Variants in ACSS3 observed in about 807,000 individuals in gnomAD.
ACSS3 encodes acyl-CoA synthetase short-chain family member 3, mitochondrial.
In ACSS3, 64 loss-of-function variants were observed where a neutral mutation model predicts 84.2. That is an observed-to-expected ratio of 0.76 (90% CI 0.62 to 0.94). The LOEUF (loss-of-function observed/expected upper bound fraction) is 0.94. Ranked by LOEUF, ACSS3 falls within the 40% of genes least tolerant of loss-of-function variation. ACSS3 has a pLI of 0.00. For missense variants in ACSS3, 815 were observed against 867.6 expected, an observed-to-expected ratio of 0.94 and a Z score of 0.76; for synonymous variants, 317 against 310.1, an observed-to-expected ratio of 1.02 and a Z score of -0.23.
intron 9 of ACSS3, among the ~76,000 whole-genome samples, chr12:81,200,864 A>G (rs1224968320): frequency 4.0e-5 from 6 of 149,708 alleles, no homozygotes; most frequent in African/African-American, 7.4e-5. Flanking sequence ...ATTGCACTCC[A>G]GCCTGGGCAA....
At chr12:81,231,640 A>C (rs572151293) in intron 12 of ACSS3, among the ~76,000 whole-genome samples, 13 of 151,770 alleles carry the variant, frequency 8.6e-5, no homozygotes, top group African/African-American at 3.1e-4. Flanking sequence ...CTTTATTTTT[A>C]AATCTCATTT....
intron 8 of ACSS3, among the ~76,000 whole-genome samples, chr12:81,181,168 A>C (rs545733084): frequency 6.6e-6 from 1 of 152,184 alleles, no homozygotes; most frequent in African/African-American, 2.4e-5. Flanking sequence ...AGTGTTAGAA[A>C]GACAAGAACA....
At chr12:81,126,862 A>G (rs1365828376) in intron 2 of ACSS3, among the ~76,000 whole-genome samples, 1 of 152,068 alleles carries the variant, frequency 6.6e-6, no homozygotes, top group Non-Finnish European at 1.5e-5. Context: ...GAGTAATGGT[A>G]TTTACTCTTT....
At chr12:81,241,939 A>G (rs2033820601) in intron 13 of ACSS3, among the ~76,000 whole-genome samples, 1 of 152,136 alleles carries the variant, frequency 6.6e-6, no homozygotes, top group African/African-American at 2.4e-5. Context: ...GGTAATGCCT[A>G]GGTTTTCTTC....
At chr12:81,253,751 G>T (rs2034222390) in intron 15 of ACSS3, 81 bp downstream of exon 15, 2 of 1,437,264 alleles carry the variant, frequency 1.4e-6, no homozygotes, top group African/African-American at 2.9e-5. Flanking sequence ...TCTTAAAAAT[G>T]GTTCTCAAAT....
intron 1 of ACSS3, among the ~76,000 whole-genome samples, chr12:81,102,132 A>G (rs889730923): frequency 1.3e-5 from 2 of 151,896 alleles, no homozygotes; most frequent in African/African-American, 4.8e-5. Flanking sequence ...CACTCATCTG[A>G]GTGTCAAGAT....
At chr12:81,160,710 A>T (rs1452709377) in intron 7 of ACSS3, among the ~76,000 whole-genome samples, 1 of 152,078 alleles carries the variant, frequency 6.6e-6, no homozygotes, top group Non-Finnish European at 1.5e-5. Flanking sequence ...ATTTATTCCA[A>T]TTTCTTTTCA....
intron 2 of ACSS3, among the ~76,000 whole-genome samples, chr12:81,123,952 G>A (rs1245172589): frequency 6.6e-6 from 1 of 152,008 alleles, no homozygotes; most frequent in East Asian, 1.9e-4. Context: ...GTATATTTTT[G>A]GTAGAAAGAT....
Position 81,244,964 on chromosome 12 carries a change from G to A in ACSS3, c.1720-8343G>A, listed in dbSNP as rs564859709. Among the ~76,000 whole-genome samples, 14 of 151,842 alleles carry A rather than the reference G, an allele frequency of 9.2e-5. No individual in the cohort carries two copies. The South Asian group carries it at 2.5e-3, about 27-fold the overall frequency. On this transcript the variant is annotated intron_variant, in intron 13 of 15. Coordinates refer to ENST00000548058, the MANE Select transcript of ACSS3 (RefSeq NM_024560.4). ...GGTTTGTTATTTATTTTACCTTTTA[G>A]TATGCCTTGTAATTGCCTGTTGAAA...
intron 8 of ACSS3, among the ~76,000 whole-genome samples, chr12:81,194,987 T>A (rs2031757258): frequency 6.6e-6 from 1 of 152,040 alleles, no homozygotes; most frequent in African/African-American, 2.4e-5. Flanking sequence ...TAATAGTGAG[T>A]GTTTTTGAAG....
At chr12:81,193,685 T>A (rs1403488878) in intron 8 of ACSS3, among the ~76,000 whole-genome samples, 1 of 152,148 alleles carries the variant, frequency 6.6e-6, no homozygotes, top group South Asian at 2.1e-4. Flanking sequence ...TCAATAATAA[T>A]CTATGACAGC....
chr12:81,102,574 C>G (rs909441869), intron 1 of ACSS3, among the ~76,000 whole-genome samples: 9 of 151,932 alleles, frequency 5.9e-5, no homozygotes, highest in African/African-American at 1.5e-4. Flanking sequence ...TGTAATACCA[C>G]CATTTTGGGA....
chr12:81,099,589 G>T (rs1053832870), intron 1 of ACSS3, among the ~76,000 whole-genome samples: 4 of 152,098 alleles, frequency 2.6e-5, no homozygotes, highest in South Asian at 2.1e-4. Flanking sequence ...AATGGGAGAG[G>T]ATGGTGGAAT....
intron 1 of ACSS3, among the ~76,000 whole-genome samples, chr12:81,099,141 C>CT: frequency 6.6e-6 from 1 of 151,962 alleles, no homozygotes; most frequent in East Asian, 1.9e-4. Context: ...ATATATTCAC[C>CT]TTTTTTTAGT....
chr12:81,129,801 G>T (rs539407709), intron 2 of ACSS3, among the ~76,000 whole-genome samples: 2 of 105,680 alleles, frequency 1.9e-5, no homozygotes, highest in Non-Finnish European at 3.6e-5. Flanking sequence ...ATAGGCCCCC[G>T]TGTGTGATAT....
rs117730329 is a variant in ACSS3 at position 81,259,782 on chromosome 12, A to G, written c.*4860A>G. The G allele has an allele frequency of 0.019, 14,899 of 767,740 alleles. 194 individuals carry two copies. Among genetic ancestry groups the G allele is most frequent in the Non-Finnish European group, 0.025 (12,240 of 493,700 alleles). The allele number at this position is 767,740 out of a possible 1,614,324, so 47.6% of individuals were successfully genotyped here. A position where few individuals can be genotyped will look rare whatever the true frequency, so the allele number is the denominator to read the frequency against. ...ACTCCTGTCCTAGAAGATCATGAGA[A>G]GGAAATCATCTAGGATGTAGCCAAC... On this transcript the variant is annotated 3_prime_UTR_variant, in exon 16 of 16. Coordinates refer to ENST00000548058, the MANE Select transcript of ACSS3 (RefSeq NM_024560.4).
chr12:81,254,875 G>A lies in ACSS3; in HGVS notation c.2014G>A (p.Asp672Asn). ...TTTCCAGATAACTTCTACAATTGAA[G>A]ACCCCAGCATTTTTGGCCACGTAGA... ...KPYKITSTIEDPSIFGHVEEM... is the reference protein window; with the variant it reads ...KPYKITSTIENPSIFGHVEEM... The change falls in exon 16 of 16, where the codon GAC (aspartate) becomes AAC (asparagine). Residue 672 changes from aspartate (D) to asparagine (N), a missense_variant. Transcript: ENST00000548058. The A allele has an allele frequency of 6.2e-7, 1 of 1,608,020 alleles. No homozygotes were observed. Among genetic ancestry groups the A allele is most frequent in the Non-Finnish European group, 8.5e-7 (1 of 1,177,214 alleles).
intron 9 of ACSS3, among the ~76,000 whole-genome samples, chr12:81,206,854 G>A (rs1046478396): frequency 1.3e-5 from 2 of 152,090 alleles, no homozygotes; most frequent in African/African-American, 4.8e-5. Flanking sequence ...TTTACAAACT[G>A]CTAATCCACC....
chr12:81,145,067 ATT>A (rs35753293), intron 5 of ACSS3, among the ~76,000 whole-genome samples: 8,547 of 100,772 alleles, frequency 0.085, 221 homozygotes, highest in Middle Eastern at 0.17. Context: ...CGCCTGGCTA[ATT>A]TTTTTTTTTT....
Sources: allele counts gnomAD v4.1 joint callset (sites outside exome capture counted in the v4.1 genomes callset), GRCh38; gene constraint gnomAD v4.1.1; transcripts MANE v1.5; gene names NCBI Gene and HGNC (gene_info 2026-07-23, HGNC 2026-07-21).